Variants in DRC8 observed in about 807,000 individuals in gnomAD.
DRC8 encodes dynein regulatory complex subunit 8.
the DRC8 span, among the ~76,000 whole-genome samples, chr1:245,025,453 T>C: frequency 2.0e-5 from 3 of 152,140 alleles, no homozygotes; most frequent in African/African-American, 7.2e-5. Flanking sequence ...AGTATAAGAA[T>C]ATCAAATAAA....
At chr1:245,011,241 C>G in the DRC8 span, among the ~76,000 whole-genome samples, 3 of 152,142 alleles carry the variant, frequency 2.0e-5, no homozygotes. Flanking sequence ...ACTATGTCAG[C>G]CACCCATGAG....
chr1:245,009,011 C>T, the DRC8 span, among the ~76,000 whole-genome samples: 28 of 148,244 alleles, frequency 1.9e-4, no homozygotes, highest in African/African-American at 7.0e-4. Flanking sequence ...TTGTAGTTTC[C>T]CAAGGATTAT....
the DRC8 span, among the ~76,000 whole-genome samples, chr1:245,074,548 G>A: frequency 3.3e-5 from 5 of 152,112 alleles, no homozygotes; most frequent in Non-Finnish European, 7.4e-5. Context: ...AGAAACTCTC[G>A]GTTGGAAGTG....
At chr1:245,097,100 C>T in the DRC8 span, among the ~76,000 whole-genome samples, 4 of 152,078 alleles carry the variant, frequency 2.6e-5, no homozygotes, top group African/African-American at 9.6e-5. This position sits in a 1 kb window ranked among gnomAD's most constrained non-coding sequence, Gnocchi z 5.0. Flanking sequence ...ATAGGATGTC[C>T]GGGAGTAGGG....
the DRC8 span, among the ~76,000 whole-genome samples, chr1:245,101,756 T>C: frequency 1.3e-5 from 2 of 152,160 alleles, no homozygotes; most frequent in African/African-American, 4.8e-5. Context: ...TATCAAGTAT[T>C]TTTTGCTTTT....
the DRC8 span, among the ~76,000 whole-genome samples, chr1:245,104,098 G>A: frequency 6.6e-6 from 1 of 152,198 alleles, no homozygotes; most frequent in African/African-American, 2.4e-5. Context: ...AGAGCCTGTG[G>A]ATGGAGCACA....
the DRC8 span, chr1:245,017,101 A>G: frequency 3.7e-6 from 3 of 819,382 alleles, no homozygotes; most frequent in Non-Finnish European, 5.6e-6. Flanking sequence ...AGAGGAAGTT[A>G]AACATGCTAA....
chr1:245,110,120 C>T, the DRC8 span, among the ~76,000 whole-genome samples: 2 of 152,108 alleles, frequency 1.3e-5, no homozygotes, highest in East Asian at 1.9e-4. Flanking sequence ...CAGTGGCTCA[C>T]GCTTGTAATC....
At chr1:245,115,451 G>T in the DRC8 span, among the ~76,000 whole-genome samples, 2 of 152,240 alleles carry the variant, frequency 1.3e-5, no homozygotes, top group Non-Finnish European at 2.9e-5. Context: ...CTGGGAAGGT[G>T]CACTTTTTAG....
At chr1:245,013,997 A>T in the DRC8 span, among the ~76,000 whole-genome samples, 1 of 128,010 alleles carries the variant, frequency 7.8e-6, no homozygotes, top group African/African-American at 3.1e-5. Flanking sequence ...ATGCCACTGC[A>T]CTCCAGCCTG....
the DRC8 span, among the ~76,000 whole-genome samples, chr1:245,005,622 C>G: frequency 6.6e-6 from 1 of 152,054 alleles, no homozygotes; most frequent in South Asian, 2.1e-4. Flanking sequence ...GGATTACAGG[C>G]GTGAGCCACT....
chr1:245,016,788 C>T, the DRC8 span, among the ~76,000 whole-genome samples: 1 of 152,064 alleles, frequency 6.6e-6, no homozygotes, highest in Non-Finnish European at 1.5e-5. Context: ...TTTCTTCCCC[C>T]AACTCCACAA....
the DRC8 span, chr1:245,017,430 A>G: frequency 8.6e-7 from 1 of 1,162,408 alleles, no homozygotes; most frequent in Non-Finnish European, 1.2e-6. Context: ...TGGATTTATT[A>G]TGCTCTTTTA....
the DRC8 span, chr1:244,969,794 G>C: frequency 2.3e-5 from 7 of 307,620 alleles, no homozygotes; most frequent in Non-Finnish European, 3.6e-5. Context: ...CTCTGGGAAA[G>C]GACGGTGAAG....
the DRC8 span, among the ~76,000 whole-genome samples, chr1:245,065,805 T>C: frequency 2.6e-5 from 4 of 151,656 alleles, no homozygotes; most frequent in East Asian, 7.8e-4. Context: ...AATAGAGTGT[T>C]CAGTCTTCTG....
the DRC8 span, among the ~76,000 whole-genome samples, chr1:244,990,826 GTACTTCTAC>G: frequency 6.8e-6 from 1 of 147,448 alleles, no homozygotes; most frequent in Admixed American, 6.8e-5. Context: ...TTTTTTTTTT[GTACTTCTAC>G]TACTACTACT....
the DRC8 span, among the ~76,000 whole-genome samples, chr1:245,056,665 T>C: frequency 1.3e-5 from 2 of 152,124 alleles, no homozygotes; most frequent in African/African-American, 2.4e-5. Context: ...AGGCCGGGTG[T>C]GGTGGCTCAC....
At chr1:245,104,195 G>A in the DRC8 span, among the ~76,000 whole-genome samples, 1 of 152,212 alleles carries the variant, frequency 6.6e-6, no homozygotes. Flanking sequence ...ATTAAGAAAT[G>A]TTAACCCTTA....
At chr1:244,980,283 G>A in the DRC8 span, among the ~76,000 whole-genome samples, 4 of 151,430 alleles carry the variant, frequency 2.6e-5, no homozygotes, top group South Asian at 6.2e-4. Flanking sequence ...ACTTGAACCC[G>A]GGAGGTGGAG....
Sources: allele counts gnomAD v4.1 joint callset (sites outside exome capture counted in the v4.1 genomes callset), GRCh38; gene constraint gnomAD v4.1.1; non-coding constraint Gnocchi (gnomAD v3.1); transcripts MANE v1.5; gene names NCBI Gene and HGNC (gene_info 2026-07-23, HGNC 2026-07-21).